The following ESR2 variants were observed in gnomAD, a reference collection of about 807,000 sequenced individuals.
ESR2 encodes the protein estrogen receptor beta.
A neutral mutation model predicts 49.6 loss-of-function variants in ESR2; 36 were observed. The observed-to-expected ratio is 0.73, with a 90% CI of 0.56 to 0.96. ESR2 has a LOEUF of 0.96. Ranked by LOEUF, ESR2 falls within the 40% of genes least tolerant of loss-of-function variation. The pLI, the probability that ESR2 is intolerant of heterozygous loss-of-function variation, is 0.00. For synonymous variants in ESR2, 320 were observed against 266.1 expected, an observed-to-expected ratio of 1.20 and a Z score of -1.97; for missense variants, 714 against 693.0, an observed-to-expected ratio of 1.03 and a Z score of -0.34.
intron 1 of ESR2, among the ~76,000 whole-genome samples, chr14:64,332,601 C>T (rs1392697255): frequency 6.6e-6 from 1 of 151,914 alleles, no homozygotes; most frequent in African/African-American, 2.4e-5. Flanking sequence ...GAGATCGAGA[C>T]CATCCTGGCT....
chr14:64,281,297 G>C (rs1032370245), intron 2 of ESR2, among the ~76,000 whole-genome samples: 1 of 152,130 alleles, frequency 6.6e-6, no homozygotes, highest in Non-Finnish European at 1.5e-5. Context: ...ATGTTGCCAG[G>C]CATGGTTCTT....
intron 1 of ESR2, among the ~76,000 whole-genome samples, chr14:64,291,870 C>T (rs1211179982): frequency 6.6e-6 from 1 of 151,842 alleles, no homozygotes; most frequent in African/African-American, 2.4e-5. Context: ...AGGTAGCTTT[C>T]TTAATCTCAG....
rs183477079 is a variant in ESR2 at position 64,315,080 on chromosome 14, C to T, written c.-91+22818G>A. On this transcript the variant is annotated intron_variant, in intron 1 of 8. Coordinates refer to the ESR2 transcript ENST00000358599. ...GCAACATAGTGAAACCCCATCTCTA[C>T]TAAAAATACAAAAATTAGCTGGGCA... Among the ~76,000 whole-genome samples the T allele has an allele frequency of 4.1e-3, 619 of 149,516 alleles. 2 individuals carry two copies. Among genetic ancestry groups the T allele is most frequent in the African/African-American group, 0.014 (589 of 40,758 alleles).
intron 4 of ESR2, among the ~76,000 whole-genome samples, chr14:64,266,026 T>C (rs1377907016): frequency 6.6e-6 from 1 of 152,202 alleles, no homozygotes; most frequent in Non-Finnish European, 1.5e-5. Context: ...AATATCCCAT[T>C]GTATATGTGC....
At chr14:64,310,779 T>G (rs2077179674) in intron 1 of ESR2, among the ~76,000 whole-genome samples, 1 of 152,166 alleles carries the variant, frequency 6.6e-6, no homozygotes, top group African/African-American at 2.4e-5. Flanking sequence ...AACTTTTACG[T>G]ACAGTACTTT....
At chr14:64,243,324 TAC>T (rs2075777530) in intron 7 of ESR2, among the ~76,000 whole-genome samples, 1 of 152,216 alleles carries the variant, frequency 6.6e-6, no homozygotes, top group African/African-American at 2.4e-5. Context: ...AATCACTGAT[TAC>T]AGATCACTGT....
chr14:64,247,201 TAACTAATAATATTATA>T (rs2075878766), intron 7 of ESR2, among the ~76,000 whole-genome samples: 2 of 152,242 alleles, frequency 1.3e-5, no homozygotes, highest in African/African-American at 2.4e-5. Context: ...TTGAATGTGA[TAACTAATAATATTATA>T]AACTAGGACT....
rs1268902678 is a variant in ESR2, at chr14:64,235,041, G to T, written c.1335C>A (p.Gly445=). Reference sequence around the variant, plus strand: ...GCATGGATTGCTGCTGGGAGGAGATGCCGCTCTTGGCAATCACCCAAACCA... The same window carrying T: ...GCATGGATTGCTGCTGGGAGGAGATTCCGCTCTTGGCAATCACCCAAACCA... ...DALVWVIAKS[G]ISSQQQSMRL... Residue 445 remains glycine (G), a synonymous_variant, in exon 8 of 9, where the codon GGC becomes GGA. Transcript: ENST00000341099. 6.2e-7 allele frequency: 1 copy of T among 1,614,236 alleles called. No homozygotes were observed. The highest frequency in any genetic ancestry group is 1.6e-4 in the Middle Eastern group (1 of 6,062).
At chr14:64,249,710 C>A (rs779192167) in intron 6 of ESR2, 31 bp from the exon 7 acceptor site, 32 of 1,588,024 alleles carry the variant, frequency 2.0e-5, no homozygotes, top group Non-Finnish European at 2.7e-5. Context: ...ATTTAAGGAA[C>A]ATAGCTTCAG....
At chr14:64,260,869 C>A in intron 4 of ESR2, 121 bp from the exon 5 acceptor site, 1 of 886,002 alleles carries the variant, frequency 1.1e-6, no homozygotes. Flanking sequence ...TGGTCGTGAC[C>A]GTACTAGCAA....
rs1596468350 is a variant in ESR2 at position 64,294,192 on chromosome 14, C to A, written c.-250G>T. The A allele has an allele frequency of 6.6e-6, 1 of 152,288 alleles. No homozygotes were observed. Among genetic ancestry groups the A allele is most frequent in the African/African-American group, 2.4e-5 (1 of 41,460 alleles). 9.4% of individuals were successfully genotyped at this position (152,288 alleles called of 1,614,324 possible). On this transcript the variant is annotated 5_prime_UTR_variant, in exon 1 of 9. Transcript: ENST00000341099. ...TCCGGGCGCCAGCCCTGCCCCGCAG[C>A]CCCAGAGCCCGTCGCAGCTCGGGTG...
intron 1 of ESR2, among the ~76,000 whole-genome samples, chr14:64,316,981 G>C (rs1292585832): frequency 1.3e-5 from 2 of 151,930 alleles, no homozygotes; most frequent in Non-Finnish European, 1.5e-5. Context: ...AGAAATACTT[G>C]AGGCCAACTG....
chr14:64,293,157 T>C (rs113342558), intron 1 of ESR2, among the ~76,000 whole-genome samples: 77 of 152,354 alleles, frequency 5.1e-4, no homozygotes, highest in African/African-American at 1.8e-3. Flanking sequence ...ATCATGTTCT[T>C]TTCATAGTCA....
At chr14:64,266,479 G>A (rs1173016099) in intron 4 of ESR2, among the ~76,000 whole-genome samples, 1 of 152,190 alleles carries the variant, frequency 6.6e-6, no homozygotes, top group Non-Finnish European at 1.5e-5. Context: ...GAGCCATGAG[G>A]GCAATAGCTG....
At chr14:64,267,125 T>C (rs931682354) in intron 4 of ESR2, among the ~76,000 whole-genome samples, 6 of 152,216 alleles carry the variant, frequency 3.9e-5, no homozygotes, top group African/African-American at 1.4e-4. Flanking sequence ...ATGATTTGCA[T>C]GCCTTGGCCT....
At chr14:64,334,547 G>A (rs1429744086) in intron 1 of ESR2, among the ~76,000 whole-genome samples, 1 of 152,142 alleles carries the variant, frequency 6.6e-6, no homozygotes. Flanking sequence ...CTCCACATTG[G>A]CCATATTCTA....
rs74808355 is a variant in ESR2, at chr14:64,268,814, T to C, written c.633A>G (p.Glu211=). ...ACTCACCACACTTCACCATTCCCAC[T>C]TCGTAACACTTCCGAAGTCGGCAGG... The part of the protein sequence containing the change: ...CQACRLRKCY[E]VGMVKCGSRR... Residue 211 remains glutamate, a synonymous_variant, in exon 4 of 9, where the codon GAA becomes GAG. Transcript: ENST00000341099. 1.8e-3 allele frequency: 2,901 copies of C among 1,612,042 alleles called. 2 individuals are homozygous for C. The highest frequency in any genetic ancestry group is 2.2e-3 in the Non-Finnish European group (2,552 of 1,178,084).
At chr14:64,279,721 T>C (rs1339825404) in intron 3 of ESR2, among the ~76,000 whole-genome samples, 3 of 152,240 alleles carry the variant, frequency 2.0e-5, no homozygotes, top group African/African-American at 4.8e-5. Flanking sequence ...ACTCGATGTC[T>C]TCTATCCAAC....
chr14:64,274,618 T>C (rs2076520133), intron 3 of ESR2, among the ~76,000 whole-genome samples: 1 of 152,268 alleles, frequency 6.6e-6, no homozygotes, highest in Non-Finnish European at 1.5e-5. Flanking sequence ...CTTTGATCTT[T>C]TTATGAATAT....
Sources: allele counts gnomAD v4.1 joint callset (sites outside exome capture counted in the v4.1 genomes callset), GRCh38; gene constraint gnomAD v4.1.1; transcripts MANE v1.5; gene names NCBI Gene and HGNC (gene_info 2026-07-23, HGNC 2026-07-21).